Variants in KCNQ1 observed in about 807,000 individuals in gnomAD.
The protein encoded by KCNQ1 is potassium voltage-gated channel subfamily KQT member 1.
KCNQ1 carries 49 observed loss-of-function variants against 72.4 expected under a neutral mutation model. The observed-to-expected ratio is 0.68, with a 90% CI of 0.54 to 0.86. The LOEUF (loss-of-function observed/expected upper bound fraction) is 0.86, where lower values mean the gene tolerates loss of function less well. Ranked by LOEUF, KCNQ1 falls within the 40% of genes least tolerant of loss-of-function variation. The pLI, the probability that KCNQ1 is intolerant of heterozygous loss-of-function variation, is 0.00. For missense variants in KCNQ1, 790 were observed against 945.1 expected (o/e 0.84, Z 2.15); for synonymous variants, 450 against 412.6 (o/e 1.09, Z -1.10).
At position 2,473,762 on chromosome 11, in the gene KCNQ1, G is replaced by A. The variant is rs562088174; in HGVS notation, c.386+28278G>A. ...CTGCAGGTTGAAGCCCCCGACAGCT[G>A]GGGGAGGCATTGCTCTGCACAGGTA... On this transcript the variant is annotated intron_variant, in intron 1 of 15. Coordinates refer to ENST00000155840, the MANE Select transcript of KCNQ1 (RefSeq NM_000218.3). The surrounding 1 kb of genome is among the most constrained non-coding windows in gnomAD (Gnocchi z 6.0). 1.1e-4 allele frequency among the ~76,000 whole-genome samples: 16 copies of A among 152,344 alleles called. No homozygotes were observed. Among genetic ancestry groups the A allele is most frequent in the African/African-American group, 3.8e-4 (16 of 41,590 alleles).
Position 2,848,714 on chromosome 11 carries a change from C to G in KCNQ1, c.*711C>G, listed in dbSNP as rs755082727. ...TAGCTGGAGAGGAGCCCTGCCTCTC[C>G]GCCCCTGAGCCCACTGTGCGTGGGG... On this transcript the variant is annotated 3_prime_UTR_variant, in exon 16 of 16. Transcript: ENST00000155840. The G allele has an allele frequency of 2.2e-6, 1 of 451,874 alleles. No homozygotes were observed. The highest frequency in any genetic ancestry group is 4.4e-6 in the Non-Finnish European group (1 of 224,956). 28.0% of individuals were successfully genotyped at this position (451,874 alleles called of 1,614,324 possible). A position where few individuals can be genotyped will look rare whatever the true frequency, so the allele number is the denominator to read the frequency against.
intron 2 of KCNQ1, among the ~76,000 whole-genome samples, chr11:2,528,294 G>A (rs1408710635): frequency 6.6e-6 from 1 of 152,184 alleles, no homozygotes; most frequent in African/African-American, 2.4e-5. Flanking sequence ...AGGCTGGGCT[G>A]GAAGGAAGGA....
At chr11:2,716,472 A>G (rs1438984597) in intron 11 of KCNQ1, among the ~76,000 whole-genome samples, 1 of 152,072 alleles carries the variant, frequency 6.6e-6, no homozygotes, top group Non-Finnish European at 1.5e-5. Flanking sequence ...GTCCTTTCTC[A>G]GCAGAAAAGC....
chr11:2,634,135 AT>A (rs35461041), intron 10 of KCNQ1: 1,021 of 381,302 alleles, frequency 2.7e-3, no homozygotes, highest in Middle Eastern at 5.8e-3. Context: ...TGTCTTTGGT[AT>A]TTTTTTTTTT....
chr11:2,729,142 G>A (rs899881635), intron 11 of KCNQ1, among the ~76,000 whole-genome samples: 20 of 152,246 alleles, frequency 1.3e-4, no homozygotes, highest in African/African-American at 4.1e-4. Context: ...TCCCGGGGCC[G>A]AGGGTCCAGA....
At chr11:2,846,660 G>A (rs575933468) in intron 15 of KCNQ1, among the ~76,000 whole-genome samples, 27 of 152,338 alleles carry the variant, frequency 1.8e-4, no homozygotes, top group Admixed American at 3.9e-4. Flanking sequence ...CCAGGGTGCC[G>A]GCCTGCCGGC....
rs1227414122 is a variant in KCNQ1, at chr11:2,686,223, C to A, written c.1514+24142C>A. 4 of 398,664 alleles carry A rather than the reference C, an allele frequency of 1.0e-5. No individual in the cohort carries two copies. The East Asian group carries it at 1.4e-4, about 14-fold the overall frequency. 24.7% of individuals were successfully genotyped at this position (398,664 alleles called of 1,614,324 possible). A position where few individuals can be genotyped will look rare whatever the true frequency, so the allele number is the denominator to read the frequency against. ...ACCCTGCTCCAACCTAGCTGTGTGA[C>A]CTTTAGGCCTTGGGATAGCACACAG... On this transcript the variant is annotated intron_variant, in intron 11 of 15. Coordinates refer to ENST00000155840, the MANE Select transcript of KCNQ1 (RefSeq NM_000218.3).
At position 2,617,967 on chromosome 11, in the gene KCNQ1, T is replaced by C. The variant is rs1043220127; in HGVS notation, c.1393+29113T>C. The stretch of plus-strand genomic sequence containing the variant: ...TAAGATATATGGTTGGCAAATATTT[T>C]CTTCTAGTCCATAGGTTGCCTTTTC... On this transcript the variant is annotated intron_variant, in intron 10 of 15. Transcript: ENST00000155840. The surrounding 1 kb of genome is among the most constrained non-coding windows in gnomAD (Gnocchi z 4.6). 1.0e-5 allele frequency: 4 copies of C among 398,584 alleles called. No homozygotes were observed. The highest frequency in any genetic ancestry group is 8.2e-5 in the African/African-American group (4 of 48,746). The allele number at this position is 398,584 out of a possible 1,614,324, so 24.7% of individuals were successfully genotyped here. A position where few individuals can be genotyped will look rare whatever the true frequency, so the allele number is the denominator to read the frequency against.
intron 7 of KCNQ1, 128 bp downstream of exon 7, chr11:2,583,673 G>A (rs1422167792): frequency 5.3e-6 from 4 of 748,422 alleles, no homozygotes; most frequent in Non-Finnish European, 7.2e-6. Flanking sequence ...CTTCTAGAAG[G>A]TGCTATACTC....
chr11:2,827,984 C>T lies in KCNQ1; in HGVS notation c.1795-19783C>T, dbSNP rs1847873799. Among the ~76,000 whole-genome samples, 1 of 152,144 alleles carries T rather than the reference C, an allele frequency of 6.6e-6. No homozygotes were observed. The highest frequency in any genetic ancestry group is 6.5e-5 in the Admixed American group (1 of 15,282). Reference sequence around the variant, plus strand: ...AGTCCAAGCCAGGCACCACCGGGCACATAGAGGTCTTGAAAGCTCGAATGT... The same window carrying T: ...AGTCCAAGCCAGGCACCACCGGGCATATAGAGGTCTTGAAAGCTCGAATGT... On this transcript the variant is annotated intron_variant, in intron 15 of 15. Coordinates refer to ENST00000155840, the MANE Select transcript of KCNQ1 (RefSeq NM_000218.3). This position sits in a 1 kb window ranked among gnomAD's most constrained non-coding sequence, Gnocchi z 6.7.
intron 11 of KCNQ1, among the ~76,000 whole-genome samples, chr11:2,718,290 C>T (rs1263339553): frequency 1.3e-5 from 2 of 152,188 alleles, no homozygotes; most frequent in African/African-American, 4.8e-5. Context: ...GACCCCCACA[C>T]TTAGGGTGCC....
rs1846849277 is a variant in KCNQ1, at chr11:2,782,980, T to G, written c.1794+4943T>G. On this transcript the variant is annotated intron_variant, in intron 15 of 15. Transcript: ENST00000155840. This position sits in a 1 kb window ranked among gnomAD's most constrained non-coding sequence, Gnocchi z 6.1. Reference sequence around the variant, plus strand: ...TTAATATACTGTTCTTTCTCTAACCTCTCTAAATTAAGAAGAGGATAATTC... The same window carrying G: ...TTAATATACTGTTCTTTCTCTAACCGCTCTAAATTAAGAAGAGGATAATTC... 6.6e-6 allele frequency among the ~76,000 whole-genome samples: 1 copy of G among 152,148 alleles called. No individual in the cohort carries two copies. The highest frequency in any genetic ancestry group is 6.5e-5 in the Admixed American group (1 of 15,278).
intron 6 of KCNQ1, among the ~76,000 whole-genome samples, chr11:2,573,380 T>C (rs1018747441): frequency 3.3e-5 from 5 of 151,980 alleles, no homozygotes; most frequent in African/African-American, 1.2e-4. Flanking sequence ...GAGAGCGGCG[T>C]CAGATGCATA....
intron 11 of KCNQ1, among the ~76,000 whole-genome samples, chr11:2,754,962 C>A (rs928982331): frequency 6.6e-5 from 10 of 152,144 alleles, no homozygotes; most frequent in African/African-American, 1.9e-4. Flanking sequence ...ACAGGTGACC[C>A]CCAACACACA....
At chr11:2,505,055 ATT>A (rs113518709) in intron 1 of KCNQ1, among the ~76,000 whole-genome samples, 2,930 of 143,076 alleles carry the variant, frequency 0.02, 90 homozygotes, top group African/African-American at 0.07. Flanking sequence ...TTCCCTTCTG[ATT>A]TTTTTTTTTT....
At chr11:2,525,585 C>T (rs901158852) in intron 1 of KCNQ1, among the ~76,000 whole-genome samples, 5 of 152,174 alleles carry the variant, frequency 3.3e-5, no homozygotes, top group Admixed American at 1.3e-4. Flanking sequence ...CTGGAAGCAC[C>T]GCGTTTGCAA....
intron 5 of KCNQ1, 35 bp downstream of exon 5, chr11:2,572,144 T>G: frequency 6.6e-7 from 1 of 1,516,790 alleles, no homozygotes; most frequent in South Asian, 1.1e-5. Flanking sequence ...GGGGCCCAGG[T>G]TGGGGACAGG....
rs568339696 is a variant in KCNQ1 at position 2,623,231 on chromosome 11, G to C, written c.1393+34377G>C. The C allele has an allele frequency of 3.5e-5, 14 of 398,634 alleles. No homozygotes were observed. Among genetic ancestry groups the C allele is most frequent in the Non-Finnish European group, 5.3e-5 (12 of 226,198 alleles). 24.7% of individuals were successfully genotyped at this position (398,634 alleles called of 1,614,324 possible). On this transcript the variant is annotated intron_variant, in intron 10 of 15. Transcript: ENST00000155840. This position sits in a 1 kb window ranked among gnomAD's most constrained non-coding sequence, Gnocchi z 5.2. ...CTGAGGCCTGCCAGCCATGCTTACT[G>C]TACAGCCTACAAAACTGTGAGTCAA...
rs538281768 is a variant in KCNQ1, at chr11:2,563,320, C to T, written c.478-7308C>T. On this transcript the variant is annotated intron_variant, in intron 2 of 15. Coordinates refer to ENST00000155840, the MANE Select transcript of KCNQ1 (RefSeq NM_000218.3). The surrounding 1 kb of genome is among the most constrained non-coding windows in gnomAD (Gnocchi z 7.4). ...GTTGCAACACGTTTGAGCCAAAGTG[C>T]GACCTTTCCCCGCTCTGTTCACTCG... 7.2e-5 allele frequency among the ~76,000 whole-genome samples: 11 copies of T among 152,310 alleles called. No individual in the cohort carries two copies. The South Asian group carries it at 8.3e-4, about 12-fold the overall frequency.
Sources: allele counts gnomAD v4.1 joint callset (sites outside exome capture counted in the v4.1 genomes callset), GRCh38; gene constraint gnomAD v4.1.1; non-coding constraint Gnocchi (gnomAD v3.1); transcripts MANE v1.5; gene names NCBI Gene and HGNC (gene_info 2026-07-23, HGNC 2026-07-21).